Variants in NXPE2 observed in about 807,000 individuals in gnomAD.
NXPE2 encodes neurexophilin and PC-esterase domain family member 2.
NXPE2 carries 34 observed loss-of-function variants against 34.4 expected under a neutral mutation model. That is an observed-to-expected ratio of 0.99 (90% CI 0.75 to 1.31). The LOEUF (loss-of-function observed/expected upper bound fraction) is 1.31. NXPE2 is among the 40% of genes most tolerant of loss of function. NXPE2 has a pLI of 0.00. For missense variants in NXPE2, 649 were observed against 672.5 expected (o/e 0.97, Z 0.39); for synonymous variants, 235 against 231.3 (o/e 1.02, Z -0.15).
chr11:114,571,228 G>A, the NXPE2 span: 41 of 1,613,832 alleles, frequency 2.5e-5, no homozygotes, highest in East Asian at 2.0e-4. Context: ...AGGGCCCTTC[G>A]GATAAAAACA....
the NXPE2 span, among the ~76,000 whole-genome samples, chr11:114,598,853 C>A: frequency 6.7e-6 from 1 of 150,034 alleles, no homozygotes; most frequent in East Asian, 2.0e-4. Context: ...CCCATTGTCT[C>A]CACCTGCAGG....
chr11:114,678,660 A>G lies in NXPE2; in HGVS notation c.26+59A>G, dbSNP rs891425689. Reference sequence around the variant, plus strand: ...ACGTCAGGGAAGGGAGGGGAGAACTATAGACCATTTGGTGTTTTTCAAATG... The same window carrying G: ...ACGTCAGGGAAGGGAGGGGAGAACTGTAGACCATTTGGTGTTTTTCAAATG... On this transcript the variant is annotated intron_variant, in intron 1 of 5. Coordinates refer to ENST00000389586, the MANE Select transcript of NXPE2 (RefSeq NM_182495.6). The G allele has an allele frequency of 1.4e-5, 19 of 1,348,382 alleles. No individual in the cohort carries two copies. In the East Asian group the frequency reaches 1.7e-4, roughly 12 times the overall value. 83.5% of individuals were successfully genotyped at this position (1,348,382 alleles called of 1,614,324 possible). A position where few individuals can be genotyped will look rare whatever the true frequency, so the allele number is the denominator to read the frequency against.
chr11:114,591,874 T>C, the NXPE2 span, among the ~76,000 whole-genome samples: 1 of 152,204 alleles, frequency 6.6e-6, no homozygotes, highest in Non-Finnish European at 1.5e-5. Context: ...GGGTATATTA[T>C]GTCCCTAATT....
At position 114,679,641 on chromosome 11, in the gene NXPE2, C is replaced by G. The variant is rs1188390726; in HGVS notation, c.27-16C>G. ...ATTTGATTTAATGTGATTATTTCTC[C>G]TGTCCTTTCTTATAGGATACTCACT... On this transcript the variant is annotated splice_polypyrimidine_tract_variant and intron_variant, in intron 1 of 5. Coordinates refer to ENST00000389586, the MANE Select transcript of NXPE2 (RefSeq NM_182495.6). 2 of 1,462,122 alleles carry G rather than the reference C, an allele frequency of 1.4e-6. No homozygotes were observed. 90.6% of individuals were successfully genotyped at this position (1,462,122 alleles called of 1,614,324 possible). A position where few individuals can be genotyped will look rare whatever the true frequency, so the allele number is the denominator to read the frequency against.
the NXPE2 span, chr11:114,526,763 C>A: frequency 1.3e-5 from 2 of 152,198 alleles, no homozygotes; most frequent in African/African-American, 4.8e-5. Flanking sequence ...ATTTGTATTA[C>A]TTCTAACAAG....
the NXPE2 span, among the ~76,000 whole-genome samples, chr11:114,513,863 A>G: frequency 2.1e-5 from 3 of 141,642 alleles, no homozygotes; most frequent in Non-Finnish European, 4.5e-5. Flanking sequence ...AGTGAAATGC[A>G]AAGACTTTTT....
chr11:114,654,672 A>G, the NXPE2 span, among the ~76,000 whole-genome samples: 9 of 152,226 alleles, frequency 5.9e-5, no homozygotes, highest in Non-Finnish European at 1.0e-4. Context: ...ATGGATGCAT[A>G]GTATTCCATG....
intron 4 of NXPE2, among the ~76,000 whole-genome samples, chr11:114,704,494 A>T (rs1399501559): frequency 1.3e-5 from 2 of 152,156 alleles, no homozygotes; most frequent in African/African-American, 4.8e-5. Flanking sequence ...ATTTCTGTGA[A>T]TTTTTTCTCA....
the NXPE2 span, among the ~76,000 whole-genome samples, chr11:114,652,860 T>G: frequency 6.6e-6 from 1 of 152,332 alleles, no homozygotes; most frequent in Non-Finnish European, 1.5e-5. Flanking sequence ...GCATTTTCCA[T>G]TTGGTACTGC....
the NXPE2 span, chr11:114,512,611 G>A: frequency 6.5e-6 from 1 of 152,714 alleles, no homozygotes; most frequent in East Asian, 1.9e-4. Context: ...TGGCCTTCGG[G>A]AGAACAAGGC....
the NXPE2 span, among the ~76,000 whole-genome samples, chr11:114,610,096 A>G: frequency 6.6e-6 from 1 of 151,814 alleles, no homozygotes; most frequent in East Asian, 1.9e-4. Context: ...CTGGTGAATA[A>G]TAAGTGTTGT....
the NXPE2 span, among the ~76,000 whole-genome samples, chr11:114,487,967 T>C: frequency 6.6e-6 from 1 of 152,192 alleles, no homozygotes; most frequent in Admixed American, 6.5e-5. Context: ...TTAGCTTTCC[T>C]TTTTTGATAT....
chr11:114,775,588 C>T, the NXPE2 span, among the ~76,000 whole-genome samples: 271 of 152,302 alleles, frequency 1.8e-3, 1 homozygote, highest in Middle Eastern at 0.01. Flanking sequence ...AGGTGAATAG[C>T]GCCTGGCATG....
chr11:114,603,362 GA>G, the NXPE2 span, among the ~76,000 whole-genome samples: 6 of 150,866 alleles, frequency 4.0e-5, no homozygotes, highest in African/African-American at 1.5e-4. Context: ...CCTATTACCT[GA>G]CGGATGATAA....
chr11:114,753,933 TCAAA>T, the NXPE2 span, among the ~76,000 whole-genome samples: 435 of 152,254 alleles, frequency 2.9e-3, no homozygotes, highest in African/African-American at 0.01. Flanking sequence ...ATCTTTGGAG[TCAAA>T]CAAGATGCAA....
chr11:114,651,291 G>A, the NXPE2 span, among the ~76,000 whole-genome samples: 19 of 151,924 alleles, frequency 1.3e-4, no homozygotes, highest in South Asian at 1.0e-3. Flanking sequence ...TCGTGGTCTC[G>A]CTGACTTTAG....
chr11:114,583,551 G>C, the NXPE2 span: 1 of 600,416 alleles, frequency 1.7e-6, no homozygotes, highest in Non-Finnish European at 3.3e-6. Context: ...AGTGAGGACT[G>C]TCCAGCATTT....
At chr11:114,803,114 G>A in the NXPE2 span, among the ~76,000 whole-genome samples, 1 of 152,250 alleles carries the variant, frequency 6.6e-6, no homozygotes, top group African/African-American at 2.4e-5. Context: ...CAAGGCCAGA[G>A]GCAGGGGCCA....
At chr11:114,666,917 T>C in the NXPE2 span, among the ~76,000 whole-genome samples, 2 of 152,154 alleles carry the variant, frequency 1.3e-5, no homozygotes, top group East Asian at 1.9e-4. Context: ...ATAGCATATA[T>C]ACATAAAAAA....
Sources: allele counts gnomAD v4.1 joint callset (sites outside exome capture counted in the v4.1 genomes callset), GRCh38; gene constraint gnomAD v4.1.1; transcripts MANE v1.5; gene names NCBI Gene and HGNC (gene_info 2026-07-23, HGNC 2026-07-21).